Variants in PTPRD observed in about 807,000 individuals in gnomAD.
PTPRD encodes protein tyrosine phosphatase receptor type D, also known as receptor-type tyrosine-protein phosphatase delta.
A neutral mutation model predicts 214.5 loss-of-function variants in PTPRD; 34 were observed. The observed-to-expected ratio is 0.16, with a 90% confidence interval of 0.12 to 0.21. PTPRD has a LOEUF of 0.21. Among genes scored for constraint, PTPRD ranks in the 10% least tolerant of loss-of-function variants. The pLI is 1.00. For missense variants in PTPRD, 2,545 were observed against 2,398.7 expected, an observed-to-expected ratio of 1.06 and a Z score of -1.27; for synonymous variants, 1,128 against 845.7, an observed-to-expected ratio of 1.33 and a Z score of -5.79.
At chr9:10,394,075 T>A (rs2382207) in intron 2 of PTPRD, among the ~76,000 whole-genome samples, 1 of 143,502 alleles carries the variant, frequency 7.0e-6, no homozygotes, top group Non-Finnish European at 1.5e-5. Flanking sequence ...TATATATATA[T>A]AGAGAGAGAA....
chr9:9,369,021 T>C (rs1488675214), intron 9 of PTPRD, among the ~76,000 whole-genome samples: 1 of 152,020 alleles, frequency 6.6e-6, no homozygotes, highest in East Asian at 1.9e-4. Context: ...GTTTGGTTTC[T>C]TGTCCTTGCG....
At chr9:10,122,043 C>A (rs2098779774) in intron 3 of PTPRD, among the ~76,000 whole-genome samples, 1 of 152,208 alleles carries the variant, frequency 6.6e-6, no homozygotes, top group Non-Finnish European at 1.5e-5. Context: ...TGCGGTGGCT[C>A]ACGCCTGTAA....
intron 2 of PTPRD, among the ~76,000 whole-genome samples, chr9:10,482,056 A>C (rs1007332438): frequency 3.9e-5 from 6 of 152,150 alleles, no homozygotes; most frequent in Non-Finnish European, 7.3e-5. Flanking sequence ...AATAAAAATA[A>C]AATGAAGAAA....
intron 2 of PTPRD, among the ~76,000 whole-genome samples, chr9:10,496,994 G>C (rs1327680567): frequency 6.6e-6 from 1 of 151,980 alleles, no homozygotes; most frequent in Non-Finnish European, 1.5e-5. Flanking sequence ...AATGTCCTTT[G>C]CACCAACATG....
At chr9:8,571,156 T>G (rs564617160) in intron 14 of PTPRD, among the ~76,000 whole-genome samples, 30 of 152,160 alleles carry the variant, frequency 2.0e-4, no homozygotes, top group Non-Finnish European at 3.4e-4. Flanking sequence ...ATCACCAGAG[T>G]TGAACAAGTT....
At chr9:10,376,102 T>C (rs79247366) in intron 2 of PTPRD, among the ~76,000 whole-genome samples, 4 of 152,032 alleles carry the variant, frequency 2.6e-5, no homozygotes, top group African/African-American at 9.7e-5. Context: ...GTTCATCTCA[T>C]ATTTAATGTG....
rs2091334626 is a variant in PTPRD at position 9,448,973 on chromosome 9, T to G, written c.-236-51491A>C. On this transcript the variant is annotated intron_variant, in intron 8 of 45. Transcript: ENST00000381196. The stretch of plus-strand genomic sequence containing the variant: ...GTTATTTGCACAGATGTCTGCTCTC[T>G]CTGAGGAATTCCTATCTCCACTTTC... Among the ~76,000 whole-genome samples, 4 of 152,232 alleles carry G rather than the reference T, an allele frequency of 2.6e-5. No homozygotes were observed. In the South Asian group the frequency reaches 8.3e-4, roughly 32 times the overall value.
Position 8,622,847 on chromosome 9 carries a change from A to G in PTPRD, c.352+10470T>C, listed in dbSNP as rs28718479. Among the ~76,000 whole-genome samples, 767 of 152,052 alleles carry G rather than the reference A, an allele frequency of 5.0e-3. 6 individuals are homozygous for G. The highest frequency in any genetic ancestry group is 0.018 in the African/African-American group (727 of 41,518). On this transcript the variant is annotated intron_variant, in intron 14 of 45. Transcript: ENST00000381196. ...AAACTTGTCATTCATTCATTCCATCAAGAAATTTTGGCTGGTAGCAGCGGC... is the reference window on the plus strand; with the variant it reads ...AAACTTGTCATTCATTCATTCCATCGAGAAATTTTGGCTGGTAGCAGCGGC...
intron 30 of PTPRD, 24 bp from the exon 31 acceptor site, chr9:8,471,109 A>T: frequency 6.3e-7 from 1 of 1,598,300 alleles, no homozygotes; most frequent in Non-Finnish European, 8.6e-7. Context: ...AATAGATAAA[A>T]GTTAGGTTAG....
intron 32 of PTPRD, among the ~76,000 whole-genome samples, chr9:8,463,285 T>C (rs2096464396): frequency 8.2e-6 from 1 of 121,222 alleles, no homozygotes; most frequent in Admixed American, 1.1e-4. Context: ...TCAGTATATA[T>C]GTCCAAGCTT....
chr9:8,899,781 T>A (rs2098651389), intron 11 of PTPRD, among the ~76,000 whole-genome samples: 1 of 152,216 alleles, frequency 6.6e-6, no homozygotes, highest in African/African-American at 2.4e-5. Context: ...GTTTTAGGTA[T>A]CCTTGTGGGT....
At chr9:10,100,867 C>A (rs2098545195) in intron 3 of PTPRD, among the ~76,000 whole-genome samples, 1 of 151,332 alleles carries the variant, frequency 6.6e-6, no homozygotes, top group Non-Finnish European at 1.5e-5. Flanking sequence ...GTCAATGAAT[C>A]AAATAATAAT....
At chr9:10,517,224 G>C (rs2050439097) in intron 2 of PTPRD, among the ~76,000 whole-genome samples, 1 of 151,896 alleles carries the variant, frequency 6.6e-6, no homozygotes, top group African/African-American at 2.4e-5. Context: ...CCATTTGTTT[G>C]TGTGATTTGA....
chr9:9,643,203 T>A (rs2096027303), intron 7 of PTPRD, among the ~76,000 whole-genome samples: 1 of 152,146 alleles, frequency 6.6e-6, no homozygotes, highest in African/African-American at 2.4e-5. Context: ...CTTTGCAAAA[T>A]CCTGTATGAC....
intron 5 of PTPRD, among the ~76,000 whole-genome samples, chr9:9,880,315 G>T (rs558915178): frequency 9.3e-4 from 141 of 152,256 alleles, no homozygotes; most frequent in African/African-American, 3.2e-3. Flanking sequence ...GTCTCAGGTA[G>T]TATTTTTATA....
At chr9:9,383,786 A>G (rs2063023345) in intron 9 of PTPRD, among the ~76,000 whole-genome samples, 1 of 152,142 alleles carries the variant, frequency 6.6e-6, no homozygotes, top group Non-Finnish European at 1.5e-5. Flanking sequence ...CTAAAATTCC[A>G]GAGTCCCTCA....
intron 11 of PTPRD, among the ~76,000 whole-genome samples, chr9:9,003,494 T>A (rs2154356685): frequency 6.6e-6 from 1 of 152,164 alleles, no homozygotes. Flanking sequence ...AAATACAGAC[T>A]CCAAGAGAGG....
At chr9:10,482,835 C>A (rs1471042566) in intron 2 of PTPRD, among the ~76,000 whole-genome samples, 1 of 152,102 alleles carries the variant, frequency 6.6e-6, no homozygotes, top group Non-Finnish European at 1.5e-5. Context: ...TGGAAAGAAT[C>A]AATATTGTGG....
chr9:9,055,355 T>C (rs1263710159), intron 10 of PTPRD, among the ~76,000 whole-genome samples: 1 of 152,216 alleles, frequency 6.6e-6, no homozygotes, highest in Non-Finnish European at 1.5e-5. Context: ...ATTAGTTAGA[T>C]TTAGTCATTT....
Sources: allele counts gnomAD v4.1 joint callset (sites outside exome capture counted in the v4.1 genomes callset), GRCh38; gene constraint gnomAD v4.1.1; transcripts MANE v1.5; gene names NCBI Gene and HGNC (gene_info 2026-07-23, HGNC 2026-07-21).